Variants in POLR3H observed in about 807,000 individuals in gnomAD.
POLR3H encodes DNA-directed RNA polymerase III subunit RPC8.
A neutral mutation model predicts 25.5 loss-of-function variants in POLR3H; 17 were observed. The observed-to-expected ratio is 0.67, with a 90% CI of 0.46 to 1.00. POLR3H has a LOEUF of 1.00. POLR3H is among the 50% of genes least tolerant of loss of function. The pLI is 0.00. For missense variants in POLR3H, 274 were observed against 265.0 expected, an observed-to-expected ratio of 1.03 and a Z score of -0.24; for synonymous variants, 129 against 103.0, an observed-to-expected ratio of 1.25 and a Z score of -1.53.
chr22:41,530,952 C>T (rs1476695679), intron 4 of POLR3H, 64 bp from the exon 5 acceptor site: 1 of 1,507,630 alleles, frequency 6.6e-7, no homozygotes, highest in Non-Finnish European at 9.2e-7. Flanking sequence ...AGCACCCACT[C>T]CCCGACCCCG....
At position 41,526,921 on chromosome 22, in the gene POLR3H, G is replaced by T. The variant is rs1393763236; in HGVS notation, c.*2362C>A. The T allele has an allele frequency of 2.5e-5, 9 of 358,348 alleles. No individual in the cohort carries two copies. In the East Asian group the frequency reaches 5.4e-4, roughly 22 times the overall value. The allele number at this position is 358,348 out of a possible 1,614,324, so 22.2% of individuals were successfully genotyped here. A position where few individuals can be genotyped will look rare whatever the true frequency, so the allele number is the denominator to read the frequency against. The stretch of plus-strand genomic sequence containing the variant: ...CCCCTGGTGGCTGGGTGGGGCAGAG[G>T]GTGCTCCCAGGAAGGGGGCGCCTTG... On this transcript the variant is annotated 3_prime_UTR_variant, in exon 6 of 6. Transcript: ENST00000355209.
Position 41,527,491 on chromosome 22 carries a change from G to C in POLR3H, c.*1792C>G. On this transcript the variant is annotated 3_prime_UTR_variant, in exon 6 of 6. Transcript: ENST00000355209. ...GATCAAGGTCACTCTCCCTGCCCGT[G>C]GCTGAGTTGGGCCTGGTTCTAGGCT... is the stretch of plus-strand genomic sequence containing the variant. 6.5e-7 allele frequency: 1 copy of C among 1,539,844 alleles called. No individual in the cohort carries two copies. The highest frequency in any genetic ancestry group is 8.7e-7 in the Non-Finnish European group (1 of 1,145,866).
chr22:41,529,468 T>C, intron 5 of POLR3H, 132 bp from the exon 6 acceptor site: 2 of 751,528 alleles, frequency 2.7e-6, no homozygotes, highest in Non-Finnish European at 4.5e-6. Flanking sequence ...CAAGAGGCTC[T>C]GGAGAGATGT....
At chr22:41,534,380 A>G (rs996311698) in intron 2 of POLR3H, among the ~76,000 whole-genome samples, 1 of 152,236 alleles carries the variant, frequency 6.6e-6, no homozygotes, top group South Asian at 2.1e-4. Flanking sequence ...TCTGACATGC[A>G]CTACAGTGTG....
In POLR3H at chr22:41,527,312, A is replaced by G. The variant is rs1313280294; in HGVS notation, c.*1971T>C. 2 of 1,614,110 alleles carry G rather than the reference A, an allele frequency of 1.2e-6. No individual in the cohort carries two copies. Among genetic ancestry groups the G allele is most frequent in the Admixed American group, 1.7e-5 (1 of 60,020 alleles). ...GAAACATGGCATCAGGTGGGTGGTGATCGGAGACGAGAACTACGGCGAGGG... is the reference window on the plus strand; with the variant it reads ...GAAACATGGCATCAGGTGGGTGGTGGTCGGAGACGAGAACTACGGCGAGGG... On this transcript the variant is annotated 3_prime_UTR_variant, in exon 6 of 6. Coordinates refer to ENST00000355209, the MANE Select transcript of POLR3H (RefSeq NM_001018050.4).
chr22:41,533,994 C>G (rs1029129642), intron 2 of POLR3H, among the ~76,000 whole-genome samples: 1 of 152,108 alleles, frequency 6.6e-6, no homozygotes, highest in Non-Finnish European at 1.5e-5. Flanking sequence ...AAAAATTAGC[C>G]GGGTGTGGTA....
intron 1 of POLR3H, 25 bp from the exon 2 acceptor site, chr22:41,540,820 A>G: frequency 1.3e-6 from 2 of 1,568,876 alleles, no homozygotes; most frequent in Non-Finnish European, 1.8e-6. Context: ...ACACAGACAC[A>G]CAAGTACACA....
intron 4 of POLR3H, among the ~76,000 whole-genome samples, 171 bp downstream of exon 4, chr22:41,531,923 T>C (rs2066744244): frequency 6.6e-6 from 1 of 152,150 alleles, no homozygotes; most frequent in Non-Finnish European, 1.5e-5. Flanking sequence ...ACTCCCTGCA[T>C]GGGAGGCACA....
chr22:41,533,437 T>G, intron 2 of POLR3H: 9 of 1,031,756 alleles, frequency 8.7e-6, no homozygotes, highest in Non-Finnish European at 1.1e-5. Flanking sequence ...GTTCCCACCG[T>G]GAGGATAAGG....
intron 2 of POLR3H, 72 bp from the exon 3 acceptor site, chr22:41,532,817 C>T: frequency 6.6e-7 from 1 of 1,522,780 alleles, no homozygotes; most frequent in South Asian, 1.2e-5. Context: ...CCTCAGGTGC[C>T]AGCACACCTG....
In POLR3H at chr22:41,528,622, C is replaced by A; in HGVS notation, c.*661G>T. The A allele has an allele frequency of 6.5e-7, 1 of 1,541,876 alleles. No homozygotes were observed. Among genetic ancestry groups the A allele is most frequent in the Non-Finnish European group, 8.7e-7 (1 of 1,148,010 alleles). ...AGGAACTGCAACAGTGAGGGCAGTG[C>A]CTCCCCGCCCCGCCGCTGGCGTCAA... On this transcript the variant is annotated 3_prime_UTR_variant, in exon 6 of 6. Transcript: ENST00000355209.
intron 2 of POLR3H, among the ~76,000 whole-genome samples, chr22:41,535,695 C>T (rs913937080): frequency 3.3e-5 from 5 of 151,490 alleles, no homozygotes; most frequent in African/African-American, 9.7e-5. Flanking sequence ...CTGAGCAGGC[C>T]GGGCGCTGTG....
At position 41,540,480 on chromosome 22, in the gene POLR3H, T is replaced by C. The variant is rs2066911329; in HGVS notation, c.208+219A>G. ...CTCCCACCACCCTCTGGCCATCTCT[T>C]TGACTTTAGCCTTTTAAAATTTTTT... On this transcript the variant is annotated intron_variant, in intron 2 of 5. Coordinates refer to ENST00000355209, the MANE Select transcript of POLR3H (RefSeq NM_001018050.4). 10 of 582,518 alleles carry C rather than the reference T, an allele frequency of 1.7e-5. No homozygotes were observed. The East Asian group carries it at 3.3e-4, about 19-fold the overall frequency. 36.1% of individuals were successfully genotyped at this position (582,518 alleles called of 1,614,324 possible). A position where few individuals can be genotyped will look rare whatever the true frequency, so the allele number is the denominator to read the frequency against.
rs1191533893 is a variant in POLR3H at position 41,544,350 on chromosome 22, C to CCGCCACGCCA, written c.-259_-250dup. On this transcript the variant is annotated 5_prime_UTR_variant, in exon 1 of 6. Transcript: ENST00000355209. Reference sequence around the variant, plus strand: ...GGGTGCGCGCCCGCGCCGCGAGACCCCGCCACGCCACGCCACTCCACGCCA... The same window carrying CCGCCACGCCA: ...GGGTGCGCGCCCGCGCCGCGAGACCCCGCCACGCCACGCCACGCCACGCCACTCCACGCCA... 247 of 379,304 alleles carry CCGCCACGCCA rather than the reference C, an allele frequency of 6.5e-4. No homozygotes were observed. The highest frequency in any genetic ancestry group is 3.1e-3 in the African/African-American group (145 of 46,224). The allele number at this position is 379,304 out of a possible 1,614,324, so 23.5% of individuals were successfully genotyped here.
At position 41,526,846 on chromosome 22, in the gene POLR3H, C is replaced by A; in HGVS notation, c.*2437G>T. On this transcript the variant is annotated 3_prime_UTR_variant, in exon 6 of 6. Coordinates refer to ENST00000355209, the MANE Select transcript of POLR3H (RefSeq NM_001018050.4). ...TTTCTGCTTTGAGAAACAAACAGAA[C>A]CAGGGCTGAACCCAAGTCCTGGCCC... The A allele has an allele frequency of 3.3e-6, 1 of 302,000 alleles. No individual in the cohort carries two copies. 18.7% of individuals were successfully genotyped at this position (302,000 alleles called of 1,614,324 possible).
At chr22:41,533,666 G>C in intron 2 of POLR3H, 1 of 1,304,072 alleles carries the variant, frequency 7.7e-7, no homozygotes, top group Non-Finnish European at 1.0e-6. Context: ...CATGAGGAGA[G>C]GCAGCCGATG....
intron 2 of POLR3H, among the ~76,000 whole-genome samples, chr22:41,536,367 C>A (rs935171472): frequency 6.6e-6 from 1 of 151,496 alleles, no homozygotes; most frequent in African/African-American, 2.4e-5. Context: ...TGCACTCCAG[C>A]CTGGGCGACA....
chr22:41,534,432 G>A (rs1460106503), intron 2 of POLR3H, among the ~76,000 whole-genome samples: 1 of 152,202 alleles, frequency 6.6e-6, no homozygotes, highest in African/African-American at 2.4e-5. Flanking sequence ...CCAAGTGAAA[G>A]CAGCCAGACA....
At chr22:41,529,479 G>A in intron 5 of POLR3H, 143 bp from the exon 6 acceptor site, 1 of 719,548 alleles carries the variant, frequency 1.4e-6, no homozygotes, top group Non-Finnish European at 2.4e-6. Context: ...GGAGAGATGT[G>A]GGAGCCACAG....
Sources: gnomAD v4.1 joint callset for allele counts (sites outside exome capture counted in the v4.1 genomes callset) on GRCh38, gnomAD v4.1.1 for gene constraint, MANE v1.5 for transcripts, NCBI Gene and HGNC (gene_info 2026-07-23, HGNC 2026-07-21) for gene names.